LPP: variants seen among roughly 807,000 people sequenced by gnomAD.
LPP encodes lipoma-preferred partner.
LPP carries 38 observed loss-of-function variants against 60.4 expected under a neutral mutation model. That is an observed-to-expected ratio of 0.63 (90% CI 0.49 to 0.83). The LOEUF (loss-of-function observed/expected upper bound fraction) is 0.83. LPP is among the 40% of genes least tolerant of loss of function. LPP has a pLI of 0.00. For synonymous variants in LPP, 328 were observed against 290.8 expected (o/e 1.13, Z -1.30); for missense variants, 902 against 783.6 (o/e 1.15, Z -1.80).
intron 3 of LPP, among the ~76,000 whole-genome samples, chr3:188,380,375 G>A (rs1257900985): frequency 6.6e-6 from 1 of 152,246 alleles, no homozygotes; most frequent in Non-Finnish European, 1.5e-5. Context: ...ATGAGAAAGA[G>A]GCCCTCTTCT....
chr3:188,634,234 G>A (rs1044246070), intron 7 of LPP, among the ~76,000 whole-genome samples: 8 of 152,140 alleles, frequency 5.3e-5, no homozygotes, highest in South Asian at 2.1e-4. Flanking sequence ...TTGGAGGGGC[G>A]TTTATATAGT....
intron 7 of LPP, among the ~76,000 whole-genome samples, chr3:188,639,237 A>T (rs1317993835): frequency 1.3e-5 from 2 of 152,050 alleles, no homozygotes; most frequent in Non-Finnish European, 2.9e-5. Flanking sequence ...CTGATCTTTG[A>T]CAAACCTGAG....
rs1182609618 is a variant in LPP at position 188,880,184 on chromosome 3, C to A, written c.*5705C>A. ...TAGCTGGGACTACAGGCGCCTGCCA[C>A]CACGCCCGGCTAATTTTTTTGTATT... On this transcript the variant is annotated 3_prime_UTR_variant, in exon 12 of 12. Transcript: ENST00000617246. 1.8e-5 allele frequency: 3 copies of A among 162,430 alleles called. No homozygotes were observed. Among genetic ancestry groups the A allele is most frequent in the Non-Finnish European group, 4.0e-5 (3 of 74,086 alleles). The allele number at this position is 162,430 out of a possible 1,614,324, so 10.1% of individuals were successfully genotyped here.
intron 2 of LPP, among the ~76,000 whole-genome samples, chr3:188,322,547 A>G (rs1217511741): frequency 6.6e-6 from 1 of 152,196 alleles, no homozygotes; most frequent in African/African-American, 2.4e-5. Context: ...CACTCTTCCT[A>G]GAAAAGACCT....
rs567854126 is a variant in LPP, at chr3:188,669,308, G to A, written c.1114-38959G>A. ...TTAAAAAGTCAGGGCCGGGCATGAT[G>A]GCTCACACCTGTAATCCCAGCACTT... On this transcript the variant is annotated intron_variant, in intron 7 of 11. Transcript: ENST00000617246. Among the ~76,000 whole-genome samples, 67 of 152,274 alleles carry A rather than the reference G, an allele frequency of 4.4e-4. 1 individual carries two copies. The highest frequency in any genetic ancestry group is 1.3e-3 in the African/African-American group (56 of 41,560).
intron 3 of LPP, among the ~76,000 whole-genome samples, chr3:188,378,374 C>T (rs551096418): frequency 1.6e-4 from 25 of 152,330 alleles, no homozygotes; most frequent in Non-Finnish European, 2.9e-4. Flanking sequence ...GCTTCCTGGC[C>T]GCTTTGTTTA....
At chr3:188,533,034 A>G (rs1822607230) in intron 6 of LPP, among the ~76,000 whole-genome samples, 1 of 152,218 alleles carries the variant, frequency 6.6e-6, no homozygotes, top group Non-Finnish European at 1.5e-5. Context: ...CAGCACTCCC[A>G]CACTGGGTTC....
intron 7 of LPP, among the ~76,000 whole-genome samples, chr3:188,626,180 C>T (rs1211798749): frequency 2.6e-5 from 4 of 152,070 alleles, no homozygotes; most frequent in Admixed American, 2.6e-4. Context: ...TTCAAGTAGG[C>T]TGCATTCAGA....
intron 8 of LPP, among the ~76,000 whole-genome samples, chr3:188,752,629 T>C (rs1349027749): frequency 6.6e-6 from 1 of 152,236 alleles, no homozygotes; most frequent in Non-Finnish European, 1.5e-5. Context: ...ATAGATGCTA[T>C]TAGTTTCATC....
intron 1 of LPP, among the ~76,000 whole-genome samples, chr3:188,201,596 A>G (rs1001589577): frequency 1.3e-5 from 2 of 152,122 alleles, no homozygotes; most frequent in African/African-American, 4.8e-5. Flanking sequence ...AATCCCAGCT[A>G]TTTGGGAGGC....
At chr3:188,794,455 G>C (rs760114395) in intron 9 of LPP, among the ~76,000 whole-genome samples, 8 of 152,102 alleles carry the variant, frequency 5.3e-5, no homozygotes, top group Non-Finnish European at 8.8e-5. Context: ...TGCAATTTAA[G>C]TGACTCTCCT....
intron 1 of LPP, among the ~76,000 whole-genome samples, chr3:188,159,909 GTTT>G (rs1717689865): frequency 1.3e-5 from 2 of 152,056 alleles, no homozygotes; most frequent in East Asian, 1.9e-4. Context: ...TTTTTTGTTT[GTTT>G]GTTTGGTTTG....
chr3:188,211,213 G>C (rs79726999), intron 1 of LPP, among the ~76,000 whole-genome samples: 1,560 of 152,244 alleles, frequency 0.01, 13 homozygotes, highest in East Asian at 0.014. Context: ...GCACTGACTC[G>C]TCTAAAATCT....
intron 4 of LPP, among the ~76,000 whole-genome samples, chr3:188,426,211 C>T (rs1345152828): frequency 6.8e-6 from 1 of 147,956 alleles, no homozygotes; most frequent in Non-Finnish European, 1.5e-5. Context: ...TGTTATTTAC[C>T]CAGTAGTCAT....
chr3:188,316,160 C>A (rs1754996591), intron 2 of LPP, among the ~76,000 whole-genome samples: 1 of 152,172 alleles, frequency 6.6e-6, no homozygotes, highest in South Asian at 2.1e-4. Context: ...CACCTGTAAT[C>A]CCAGCTACTC....
chr3:188,245,189 T>A (rs1387621055), intron 2 of LPP, among the ~76,000 whole-genome samples: 1 of 151,950 alleles, frequency 6.6e-6, no homozygotes, highest in Non-Finnish European at 1.5e-5. Flanking sequence ...CTTGGCTCAC[T>A]GCAACCTCTG....
intron 6 of LPP, among the ~76,000 whole-genome samples, chr3:188,607,401 ATATATATATATATAT>A (rs1483807232): frequency 6.5e-5 from 2 of 30,800 alleles, no homozygotes; most frequent in Non-Finnish European, 1.3e-4. Context: ...ATATATATAT[ATATATATATATATAT>A]AATTTTTTTT....
intron 3 of LPP, among the ~76,000 whole-genome samples, chr3:188,372,327 AATAATTC>A (rs1773521173): frequency 6.6e-6 from 1 of 152,296 alleles, no homozygotes; most frequent in South Asian, 2.1e-4. Flanking sequence ...GATTTGTTAA[AATAATTC>A]ACGATATTTC....
rs559102201 is a variant in LPP, at chr3:188,523,922, CT to C, written c.307-738del. ...TATAATCCAGACAGATTCTTTGCTT[CT>C]TTTTCCCAAACCTGATCATAATTCC... On this transcript the variant is annotated intron_variant, in intron 5 of 11. Coordinates refer to ENST00000617246, the MANE Select transcript of LPP (RefSeq NM_001375462.1). Among the ~76,000 whole-genome samples the C allele has an allele frequency of 2.1e-3, 227 of 107,572 alleles. 1 individual carries two copies. Among genetic ancestry groups the C allele is most frequent in the African/African-American group, 7.4e-3 (219 of 29,448 alleles). The allele number at this position is 107,572 out of a possible 152,430, so 70.6% of individuals were successfully genotyped here. A position where few individuals can be genotyped will look rare whatever the true frequency, so the allele number is the denominator to read the frequency against.
Sources: gnomAD v4.1 joint callset for allele counts (sites outside exome capture counted in the v4.1 genomes callset) on GRCh38, gnomAD v4.1.1 for gene constraint, MANE v1.5 for transcripts, NCBI Gene and HGNC (gene_info 2026-07-23, HGNC 2026-07-21) for gene names.